The following NFIX variants were observed in gnomAD, a reference collection of about 807,000 sequenced individuals.
NFIX encodes the protein nuclear factor I X, also known as nuclear factor 1 X-type.
In NFIX, 2 loss-of-function variants were observed where a neutral mutation model predicts 53.3. The ratio of observed to expected loss-of-function variants is 0.04; its 90% confidence interval spans 0.02 to 0.12. NFIX has a LOEUF of 0.12. Among genes scored for constraint, NFIX ranks in the 10% least tolerant of loss-of-function variants. The probability of loss-of-function intolerance (pLI) is 1.00; values close to 1 mark genes in which losing one functional copy is unlikely to be tolerated. For missense variants in NFIX, 310 were observed against 674.5 expected, an observed-to-expected ratio of 0.46 and a Z score of 5.99; for synonymous variants, 244 against 289.0, an observed-to-expected ratio of 0.84 and a Z score of 1.58.
At position 13,014,225 on chromosome 19, in the gene NFIX, G is replaced by T. The variant is rs926716767; in HGVS notation, c.28-10796G>T. 1 of 152,010 alleles carries T rather than the reference G, an allele frequency of 6.6e-6. No homozygotes were observed. The highest frequency in any genetic ancestry group is 1.5e-5 in the Non-Finnish European group (1 of 68,006). The allele number at this position is 152,010 out of a possible 1,614,324, so 9.4% of individuals were successfully genotyped here. On this transcript the variant is annotated intron_variant, in intron 1 of 10. Coordinates refer to ENST00000592199, the MANE Select transcript of NFIX (RefSeq NM_001365902.3). The surrounding 1 kb of genome is among the most constrained non-coding windows in gnomAD (Gnocchi z 4.4). ...TCTCACCCGCCGTTCCCTCCGCTCCGGTCTGATTCGCAAATCCCCAAACTG... is the reference window on the plus strand; with the variant it reads ...TCTCACCCGCCGTTCCCTCCGCTCCTGTCTGATTCGCAAATCCCCAAACTG...
At chr19:13,083,770 A>T (rs2017611985) in intron 8 of NFIX, among the ~76,000 whole-genome samples, 1 of 152,192 alleles carries the variant, frequency 6.6e-6, no homozygotes, top group Non-Finnish European at 1.5e-5. Context: ...AGCCTGCTTG[A>T]TGGAGCCCAC....
rs1005887853 is a variant in NFIX, at chr19:13,068,703, C to A, written c.560-4344C>A. ...TCAGCAGAGCCCACTTGGGCCCATG[C>A]GGAGGGAGTCCAGTCTTATTGCCTG... On this transcript the variant is annotated intron_variant, in intron 2 of 10. Transcript: ENST00000592199. The surrounding 1 kb of genome is among the most constrained non-coding windows in gnomAD (Gnocchi z 4.2). Among the ~76,000 whole-genome samples, 2 of 152,230 alleles carry A rather than the reference C, an allele frequency of 1.3e-5. No homozygotes were observed. Among genetic ancestry groups the A allele is most frequent in the African/African-American group, 4.8e-5 (2 of 41,462 alleles).
intron 1 of NFIX, chr19:13,024,475 G>A: frequency 6.8e-7 from 1 of 1,474,706 alleles, no homozygotes; most frequent in East Asian, 2.5e-5. Context: ...TCGCTTGCTC[G>A]TGGATGTCAT....
In NFIX at chr19:13,060,046, T is replaced by C. The variant is rs898551500; in HGVS notation, c.560-13001T>C. 4.6e-5 allele frequency among the ~76,000 whole-genome samples: 7 copies of C among 152,218 alleles called. No individual in the cohort carries two copies. The highest frequency in any genetic ancestry group is 2.6e-4 in the Admixed American group (4 of 15,302). On this transcript the variant is annotated intron_variant, in intron 2 of 10. Transcript: ENST00000592199. The surrounding 1 kb of genome is among the most constrained non-coding windows in gnomAD (Gnocchi z 4.3). Reference sequence around the variant, plus strand: ...CAGGCGATCCACTCGCCTCAGCCTCTCAAAGTGCTGAGATTACAGGCATGA... The same window carrying C: ...CAGGCGATCCACTCGCCTCAGCCTCCCAAAGTGCTGAGATTACAGGCATGA...
In NFIX at chr19:13,051,211, T is replaced by C. The variant is rs2145316938; in HGVS notation, c.560-21836T>C. Among the ~76,000 whole-genome samples the C allele has an allele frequency of 6.6e-6, 1 of 152,274 alleles. No individual in the cohort carries two copies. Among genetic ancestry groups the C allele is most frequent in the African/African-American group, 2.4e-5 (1 of 41,566 alleles). ...TGTTTGGGATGCTGTCTGGCCCCTA[T>C]ACCAGCCCCACTCAGGGCCAGAGGG... On this transcript the variant is annotated intron_variant, in intron 2 of 10. Transcript: ENST00000592199. This position sits in a 1 kb window ranked among gnomAD's most constrained non-coding sequence, Gnocchi z 5.1.
At chr19:13,058,988 G>A (rs999444844) in intron 2 of NFIX, among the ~76,000 whole-genome samples, 2 of 152,084 alleles carry the variant, frequency 1.3e-5, no homozygotes, top group Admixed American at 6.5e-5. Flanking sequence ...CCTTTCTCTT[G>A]TCCCATCCCC....
chr19:13,066,353 C>T lies in NFIX; in HGVS notation c.560-6694C>T, dbSNP rs576324762. 1.0e-4 allele frequency among the ~76,000 whole-genome samples: 15 copies of T among 145,572 alleles called. No individual in the cohort carries two copies. The highest frequency in any genetic ancestry group is 2.2e-4 in the East Asian group (1 of 4,572). On this transcript the variant is annotated intron_variant, in intron 2 of 10. Coordinates refer to ENST00000592199, the MANE Select transcript of NFIX (RefSeq NM_001365902.3). This position sits in a 1 kb window ranked among gnomAD's most constrained non-coding sequence, Gnocchi z 4.2. ...CTGCCAGGTTCCTGTGCCTTCCCTA[C>T]CCCCCCGCCCCCAACAATGGCTTTT... is the stretch of plus-strand genomic sequence containing the variant.
chr19:12,997,630 T>C (rs962114659), intron 1 of NFIX, among the ~76,000 whole-genome samples: 1 of 152,204 alleles, frequency 6.6e-6, no homozygotes, highest in African/African-American at 2.4e-5. Context: ...GTTTGGGGCC[T>C]AGTGGAACCA....
chr19:13,031,318 C>T (rs1041012528), intron 2 of NFIX, among the ~76,000 whole-genome samples: 2 of 152,118 alleles, frequency 1.3e-5, no homozygotes, highest in Admixed American at 1.3e-4. Flanking sequence ...CGACCGTGAA[C>T]AAGCCAGAGG....
At position 13,037,915 on chromosome 19, in the gene NFIX, G is replaced by T. The variant is rs925484770; in HGVS notation, c.559+12363G>T. 1.3e-5 allele frequency among the ~76,000 whole-genome samples: 2 copies of T among 152,154 alleles called. No individual in the cohort carries two copies. Among genetic ancestry groups the T allele is most frequent in the African/African-American group, 2.4e-5 (1 of 41,424 alleles). ...CCCCAAACGTCACAAGTGCGGAGGT[G>T]GAGAAACCCAGCCTTAGAGGGAGAA... On this transcript the variant is annotated intron_variant, in intron 2 of 10. Coordinates refer to ENST00000592199, the MANE Select transcript of NFIX (RefSeq NM_001365902.3). The surrounding 1 kb of genome is among the most constrained non-coding windows in gnomAD (Gnocchi z 4.2).
intron 10 of NFIX, among the ~76,000 whole-genome samples, chr19:13,091,926 CAG>C (rs1265743755): frequency 6.6e-6 from 1 of 152,232 alleles, no homozygotes; most frequent in Admixed American, 6.5e-5. Context: ...GGGGCCAAGT[CAG>C]AGTTTAGGGA....
In NFIX at chr19:12,995,832, C is replaced by G; in HGVS notation, c.-6C>G. On this transcript the variant is annotated 5_prime_UTR_variant, in exon 1 of 11. Transcript: ENST00000592199. Reference sequence around the variant, plus strand: ...GGCCGCCGCGCTCCCGCCCGGGCGCCCAGCTATGTACTCCCCGTACTGCCT... The same window carrying G: ...GGCCGCCGCGCTCCCGCCCGGGCGCGCAGCTATGTACTCCCCGTACTGCCT... The G allele has an allele frequency of 1.0e-6, 1 of 1,002,170 alleles. No homozygotes were observed. Among genetic ancestry groups the G allele is most frequent in the Non-Finnish European group, 1.2e-6 (1 of 843,306 alleles). 62.1% of individuals were successfully genotyped at this position (1,002,170 alleles called of 1,614,324 possible).
At chr19:13,041,534 T>C (rs1392622031) in intron 2 of NFIX, among the ~76,000 whole-genome samples, 1 of 152,182 alleles carries the variant, frequency 6.6e-6, no homozygotes, top group Non-Finnish European at 1.5e-5. Flanking sequence ...CAGTGGCTCA[T>C]GCCTATAATC....
Position 13,068,669 on chromosome 19 carries a change from A to G in NFIX, c.560-4378A>G, listed in dbSNP as rs16978873. 0.034 allele frequency among the ~76,000 whole-genome samples: 5,120 copies of G among 152,326 alleles called. 98 individuals carry two copies. The highest frequency in any genetic ancestry group is 0.082 in the Middle Eastern group (24 of 294). ...GAACCTGGAGCCAAATCCCGTTTCA[A>G]AGGCTTCTTCAGCAGAGCCCACTTG... On this transcript the variant is annotated intron_variant, in intron 2 of 10. Transcript: ENST00000592199. The surrounding 1 kb of genome is among the most constrained non-coding windows in gnomAD (Gnocchi z 4.2).
chr19:13,091,504 C>T (rs1280369641), intron 10 of NFIX, among the ~76,000 whole-genome samples: 1 of 151,886 alleles, frequency 6.6e-6, no homozygotes, highest in Non-Finnish European at 1.5e-5. Flanking sequence ...CCCCCTCCAG[C>T]TTCCCACCCC....
intron 1 of NFIX, among the ~76,000 whole-genome samples, chr19:13,007,952 A>G (rs929987967): frequency 5.9e-5 from 9 of 152,148 alleles, no homozygotes; most frequent in East Asian, 1.9e-4. Flanking sequence ...GCAGACACAC[A>G]TAGGCCTGTG....
rs892813614 is a variant in NFIX, at chr19:13,009,987, G to C, written c.27+14123G>C. 1.3e-5 allele frequency among the ~76,000 whole-genome samples: 2 copies of C among 152,164 alleles called. No individual in the cohort carries two copies. Among genetic ancestry groups the C allele is most frequent in the East Asian group, 1.9e-4 (1 of 5,188 alleles). The stretch of plus-strand genomic sequence containing the variant: ...GAGTGGCCCACCTTGGGCCCGGGGG[G>C]GCCTCCAGGAGCCCCCTGGCCCAGG... On this transcript the variant is annotated intron_variant, in intron 1 of 10. Coordinates refer to ENST00000592199, the MANE Select transcript of NFIX (RefSeq NM_001365902.3). The surrounding 1 kb of genome is among the most constrained non-coding windows in gnomAD (Gnocchi z 4.7).
chr19:13,056,554 G>A (rs902062498), intron 2 of NFIX, among the ~76,000 whole-genome samples: 1 of 152,114 alleles, frequency 6.6e-6, no homozygotes, highest in African/African-American at 2.4e-5. Flanking sequence ...CCGCCTTCTA[G>A]GATGCTTCAT....
rs1398441611 is a variant in NFIX at position 13,006,139 on chromosome 19, G to C, written c.27+10275G>C. Among the ~76,000 whole-genome samples, 2 of 152,196 alleles carry C rather than the reference G, an allele frequency of 1.3e-5. No individual in the cohort carries two copies. Among genetic ancestry groups the C allele is most frequent in the Non-Finnish European group, 2.9e-5 (2 of 68,038 alleles). ...CAAGGGAGTGTCCAGTCCTTGAGATGGCGCTAGGTGCTGTGGGAAGAACAG... is the reference window on the plus strand; with the variant it reads ...CAAGGGAGTGTCCAGTCCTTGAGATCGCGCTAGGTGCTGTGGGAAGAACAG... On this transcript the variant is annotated intron_variant, in intron 1 of 10. Transcript: ENST00000592199. The surrounding 1 kb of genome is among the most constrained non-coding windows in gnomAD (Gnocchi z 5.6).
Sources: gnomAD v4.1 joint callset for allele counts (sites outside exome capture counted in the v4.1 genomes callset) on GRCh38, gnomAD v4.1.1 for gene constraint, Gnocchi (gnomAD v3.1) non-coding constraint, MANE v1.5 for transcripts, NCBI Gene and HGNC (gene_info 2026-07-23, HGNC 2026-07-21) for gene names.